C1QTNF7: variants seen among roughly 807,000 people sequenced by gnomAD.
The protein encoded by C1QTNF7 is complement C1q tumor necrosis factor-related protein 7.
A neutral mutation model predicts 19.6 loss-of-function variants in C1QTNF7; 15 were observed. The ratio of observed to expected loss-of-function variants is 0.76; its 90% CI spans 0.51 to 1.18. The LOEUF is 1.18. Among genes scored for constraint, C1QTNF7 ranks in the 50% most tolerant of loss-of-function variants. The pLI, the probability that C1QTNF7 is intolerant of heterozygous loss-of-function variation, is 0.00. For synonymous variants in C1QTNF7, 142 were observed against 137.5 expected (o/e 1.03, Z -0.23); for missense variants, 324 against 359.7 (o/e 0.90, Z 0.80).
chr4:15,344,255 A>C (rs1438145405), intron 1 of C1QTNF7, among the ~76,000 whole-genome samples: 1 of 152,242 alleles, frequency 6.6e-6, no homozygotes, highest in African/African-American at 2.4e-5. Context: ...TTTTCTTTAA[A>C]TGAAGTAATC....
Sources: allele counts gnomAD v4.1 joint callset (sites outside exome capture counted in the v4.1 genomes callset), GRCh38; gene constraint gnomAD v4.1.1; transcripts MANE v1.5; gene names NCBI Gene and HGNC (gene_info 2026-07-23, HGNC 2026-07-21).